QTRT2: variants seen among roughly 807,000 people sequenced by gnomAD.
QTRT2 encodes queuine tRNA-ribosyltransferase domain containing 1.
A neutral mutation model predicts 44.8 loss-of-function variants in QTRT2; 32 were observed. The ratio of observed to expected loss-of-function variants is 0.71; its 90% CI spans 0.54 to 0.96. The LOEUF (loss-of-function observed/expected upper bound fraction) is 0.96. Among genes scored for constraint, QTRT2 ranks in the 40% least tolerant of loss-of-function variants. The pLI is 0.00. For synonymous variants in QTRT2, 182 were observed against 187.4 expected, an observed-to-expected ratio of 0.97 and a Z score of 0.24; for missense variants, 461 against 503.1, an observed-to-expected ratio of 0.92 and a Z score of 0.80.
At chr3:114,071,731 G>A (rs9840756) in intron 6 of QTRT2, among the ~76,000 whole-genome samples, 15,508 of 152,176 alleles carry the variant, frequency 0.1, 875 homozygotes, top group African/African-American at 0.14. Context: ...AGCCGTAACT[G>A]CATCATCTCT....
Position 114,057,057 on chromosome 3 carries a change from C to G in QTRT2, c.-71C>G. ...ATTCTCATAAATCGTGTGAGCGTCG[C>G]CGACACCTCTGAGATAAAAGGGCCC... On this transcript the variant is annotated 5_prime_UTR_variant, in exon 2 of 10. Transcript: ENST00000281273. 1 of 1,384,248 alleles carries G rather than the reference C, an allele frequency of 7.2e-7. No homozygotes were observed. The highest frequency in any genetic ancestry group is 9.3e-7 in the Non-Finnish European group (1 of 1,072,840). The allele number at this position is 1,384,248 out of a possible 1,614,324, so 85.7% of individuals were successfully genotyped here. A position where few individuals can be genotyped will look rare whatever the true frequency, so the allele number is the denominator to read the frequency against.
At chr3:114,060,377 T>C (rs1472628991) in intron 2 of QTRT2, among the ~76,000 whole-genome samples, 1 of 152,206 alleles carries the variant, frequency 6.6e-6, no homozygotes, top group Non-Finnish European at 1.5e-5. Context: ...GAATCTGAGA[T>C]TGGTTGTTTG....
At chr3:114,067,853 G>A (rs765288499) in intron 4 of QTRT2, 134 bp from the exon 5 acceptor site, 9 of 657,770 alleles carry the variant, frequency 1.4e-5, no homozygotes, top group Non-Finnish European at 2.2e-5. Context: ...CTAATTCCAA[G>A]TTCAGATACA....
chr3:114,065,612 T>G (rs1012603158), intron 3 of QTRT2, among the ~76,000 whole-genome samples, 155 bp downstream of exon 3: 1 of 152,244 alleles, frequency 6.6e-6, no homozygotes, highest in Non-Finnish European at 1.5e-5. Context: ...ATACATCTTC[T>G]GGCCCTAATC....
intron 5 of QTRT2, chr3:114,068,357 G>A (rs1577522194): frequency 9.8e-6 from 3 of 306,122 alleles, no homozygotes; most frequent in South Asian, 4.3e-5. Flanking sequence ...AGGGGAAAAC[G>A]ATAGTCTTTC....
chr3:114,066,822 G>A (rs1413442608), intron 4 of QTRT2, among the ~76,000 whole-genome samples: 3 of 152,144 alleles, frequency 2.0e-5, no homozygotes, highest in African/African-American at 4.8e-5. Flanking sequence ...TGGGGCATTC[G>A]TGAGCTCCAA....
intron 6 of QTRT2, among the ~76,000 whole-genome samples, chr3:114,073,715 C>T (rs996219314): frequency 1.3e-5 from 2 of 151,896 alleles, no homozygotes; most frequent in South Asian, 4.2e-4. Context: ...CGTGTAGTCC[C>T]TCTCCATACC....
chr3:114,062,194 C>T lies in QTRT2; in HGVS notation c.-21-3043C>T, dbSNP rs2076896460. ...CAGCCTGGGCAACGTAGTGAGACTC[C>T]ATCTCTCCAAAAAAAGTTTTTTAAT... On this transcript the variant is annotated intron_variant, in intron 2 of 9. Coordinates refer to ENST00000281273, the MANE Select transcript of QTRT2 (RefSeq NM_024638.4). 1.3e-5 allele frequency among the ~76,000 whole-genome samples: 2 copies of T among 151,252 alleles called. 1 individual carries two copies. Among genetic ancestry groups the T allele is most frequent in the South Asian group, 4.2e-4 (2 of 4,782 alleles).
rs182830296 is a variant in QTRT2 at position 114,070,291 on chromosome 3, G to A, written c.334-335G>A. 5.0e-3 allele frequency among the ~76,000 whole-genome samples: 756 copies of A among 152,136 alleles called. 1 individual carries two copies. Among genetic ancestry groups the A allele is most frequent in the Middle Eastern group, 0.02 (6 of 294 alleles). Reference sequence around the variant, plus strand: ...CAATAAAAAAAAGAAAAAGAAATACGGAACTGTCAGTCAAAAGGAACAGTG... The same window carrying A: ...CAATAAAAAAAAGAAAAAGAAATACAGAACTGTCAGTCAAAAGGAACAGTG... On this transcript the variant is annotated intron_variant, in intron 5 of 9. Transcript: ENST00000281273.
intron 7 of QTRT2, 112 bp downstream of exon 7, chr3:114,077,054 A>T: frequency 9.5e-7 from 1 of 1,056,116 alleles, no homozygotes; most frequent in Non-Finnish European, 1.4e-6. Context: ...TGTTTTGTTT[A>T]TGTCCTTTCT....
intron 5 of QTRT2, 74 bp downstream of exon 5, chr3:114,068,137 C>A: frequency 8.7e-7 from 1 of 1,151,022 alleles, no homozygotes; most frequent in Non-Finnish European, 1.3e-6. Flanking sequence ...CCCTCAGATG[C>A]TCAGATCCCA....
chr3:114,085,585 G>T, intron 9 of QTRT2, 88 bp from the exon 10 acceptor site: 1 of 1,092,472 alleles, frequency 9.2e-7, no homozygotes, highest in South Asian at 1.3e-5. Flanking sequence ...ATTAACCACT[G>T]GTAACTTTAC....
At chr3:114,073,419 G>T (rs573728223) in intron 6 of QTRT2, among the ~76,000 whole-genome samples, 1 of 151,880 alleles carries the variant, frequency 6.6e-6, no homozygotes, top group East Asian at 1.9e-4. Context: ...TGTTCTTGTC[G>T]CCCAGGCTGG....
intron 2 of QTRT2, among the ~76,000 whole-genome samples, chr3:114,059,858 G>A (rs1425502063): frequency 6.6e-6 from 1 of 152,206 alleles, no homozygotes; most frequent in Non-Finnish European, 1.5e-5. Flanking sequence ...TGAGTATGTA[G>A]CACCAAAATC....
chr3:114,076,636 C>A, intron 6 of QTRT2, 107 bp from the exon 7 acceptor site: 1 of 984,926 alleles, frequency 1.0e-6, no homozygotes, highest in Non-Finnish European at 1.6e-6. Flanking sequence ...TCAACTACAG[C>A]AGCTTCACTG....
At chr3:114,063,405 T>C (rs2076912877) in intron 2 of QTRT2, among the ~76,000 whole-genome samples, 1 of 152,234 alleles carries the variant, frequency 6.6e-6, no homozygotes, top group African/African-American at 2.4e-5. Flanking sequence ...TATTAGCTTA[T>C]AAGTATAGTT....
intron 2 of QTRT2, among the ~76,000 whole-genome samples, chr3:114,061,404 A>G (rs1319311026): frequency 1.3e-5 from 2 of 152,164 alleles, no homozygotes; most frequent in Non-Finnish European, 2.9e-5. Flanking sequence ...CTTACCAGGC[A>G]GAAGCCTAAA....
Position 114,080,042 on chromosome 3 carries a change from A to G in QTRT2, c.883A>G (p.Asn295Asp). The change falls in exon 8 of 10, where the codon AAT (asparagine) becomes GAT (aspartate). Residue 295 changes from asparagine (N) to aspartate (D), a missense_variant. Asn to Asp is a conservative substitution (Grantham distance 23, BLOSUM62 1). Transcript: ENST00000281273. ...GACTTTCAGTTTTGATTACCAGCCG[A>G]ATCCTGAAGAGACACGTAAGTCTTT... is the stretch of plus-strand genomic sequence containing the variant. ...ALTFSFDYQP[N>D]PEETLLQQNG... 6.2e-7 allele frequency: 1 copy of G among 1,608,318 alleles called. No individual in the cohort carries two copies. The highest frequency in any genetic ancestry group is 8.5e-7 in the Non-Finnish European group (1 of 1,177,462).
Position 114,068,015 on chromosome 3 carries a change from C to T in QTRT2, c.285C>T (p.Ser95=). 1 of 1,613,746 alleles carries T rather than the reference C, an allele frequency of 6.2e-7. No individual in the cohort carries two copies. Among genetic ancestry groups the T allele is most frequent in the South Asian group, 1.1e-5 (1 of 91,058 alleles). ...TGCCAGAATCACTCTTGTACTGCTC[C>T]CTGCACGATCCAGTCAGCCCCTGCC... ...IGMPESLLYC[S]LHDPVSPCPA... Residue 95 remains serine (S), a synonymous_variant, in exon 5 of 10, where the codon TCC becomes TCT. Coordinates refer to ENST00000281273, the MANE Select transcript of QTRT2 (RefSeq NM_024638.4).
Sources: gnomAD v4.1 joint callset for allele counts (sites outside exome capture counted in the v4.1 genomes callset) on GRCh38, gnomAD v4.1.1 for gene constraint, MANE v1.5 for transcripts, NCBI Gene and HGNC (gene_info 2026-07-23, HGNC 2026-07-21) for gene names.